AGO3: variants seen among roughly 807,000 people sequenced by gnomAD.
The protein encoded by AGO3 is argonaute RISC catalytic component 3, also known as protein argonaute-3.
A neutral mutation model predicts 105.5 loss-of-function variants in AGO3; 16 were observed. The ratio of observed to expected loss-of-function variants is 0.15; its 90% CI spans 0.10 to 0.23. The LOEUF is 0.23. AGO3 is among the 10% of genes least tolerant of loss of function. The pLI, the probability that AGO3 is intolerant of heterozygous loss-of-function variation, is 1.00. For synonymous variants in AGO3, 340 were observed against 367.3 expected (o/e 0.93, Z 0.85); for missense variants, 534 against 1,088.0 (o/e 0.49, Z 7.16).
chr1:35,956,449 C>T (rs1646566620), intron 2 of AGO3, among the ~76,000 whole-genome samples: 3 of 151,996 alleles, frequency 2.0e-5, no homozygotes. Context: ...TGTGATTCGT[C>T]AGCATGTAGG....
rs12043256 is a variant in AGO3 at position 36,027,495 on chromosome 1, G to T, written c.1591+197G>T. Among the ~76,000 whole-genome samples, 3 of 152,072 alleles carry T rather than the reference G, an allele frequency of 2.0e-5. No individual in the cohort carries two copies. Among genetic ancestry groups the T allele is most frequent in the Non-Finnish European group, 4.4e-5 (3 of 68,010 alleles). On this transcript the variant is annotated intron_variant, in intron 12 of 18. Coordinates refer to ENST00000373191, the MANE Select transcript of AGO3 (RefSeq NM_024852.4). The surrounding 1 kb of genome is among the most constrained non-coding windows in gnomAD (Gnocchi z 4.0). ...ATGAGACATTGTAAAAAGAGTTTCCGGGCTGGGCGTGGTGGCTCACGCCTG... is the reference window on the plus strand; with the variant it reads ...ATGAGACATTGTAAAAAGAGTTTCCTGGCTGGGCGTGGTGGCTCACGCCTG...
chr1:36,012,043 T>C (rs1480934228), intron 9 of AGO3, among the ~76,000 whole-genome samples: 3 of 152,082 alleles, frequency 2.0e-5, no homozygotes, highest in African/African-American at 2.4e-5. Context: ...AGATGCCCCA[T>C]TGGTGCCTAA....
chr1:35,959,035 T>C (rs1407124475), intron 2 of AGO3, among the ~76,000 whole-genome samples: 1 of 152,196 alleles, frequency 6.6e-6, no homozygotes, highest in Non-Finnish European at 1.5e-5. Context: ...AATTAAGAGG[T>C]ACCTAATAAA....
intron 15 of AGO3, 59 bp downstream of exon 15, chr1:36,040,043 G>A: frequency 6.7e-7 from 1 of 1,492,864 alleles, no homozygotes; most frequent in Non-Finnish European, 9.1e-7. Context: ...TTTATAATAT[G>A]GTGTCTAGTT....
At chr1:35,986,056 A>G (rs1647168273) in intron 5 of AGO3, among the ~76,000 whole-genome samples, 1 of 152,368 alleles carries the variant, frequency 6.6e-6, no homozygotes, top group Non-Finnish European at 1.5e-5. Context: ...CAAGGTGAAA[A>G]GAAAAATCTT....
rs1223007467 is a variant in AGO3 at position 36,067,488 on chromosome 1, T to A, written c.*11743T>A. ...ACTTTGGGAGGCCAAGGCAGGTGGA[T>A]CACAAGGTCAGGAGTTTGAGACCAG... On this transcript the variant is annotated 3_prime_UTR_variant, in exon 19 of 19. Transcript: ENST00000373191. 6.6e-6 allele frequency: 1 copy of A among 152,208 alleles called. No homozygotes were observed. The highest frequency in any genetic ancestry group is 1.5e-5 in the Non-Finnish European group (1 of 68,058). 9.4% of individuals were successfully genotyped at this position (152,208 alleles called of 1,614,324 possible).
At chr1:36,004,573 C>A in intron 6 of AGO3, 98 bp downstream of exon 6, 2 of 1,098,400 alleles carry the variant, frequency 1.8e-6, no homozygotes, top group South Asian at 2.6e-5. Flanking sequence ...ATCTATGTAA[C>A]ATAACCAGTA....
chr1:35,964,933 G>A (rs972230259), intron 2 of AGO3, among the ~76,000 whole-genome samples: 8 of 151,512 alleles, frequency 5.3e-5, no homozygotes, highest in Non-Finnish European at 1.2e-4. Flanking sequence ...TTCTTTTGAA[G>A]TGTCTGTTCA....
intron 5 of AGO3, among the ~76,000 whole-genome samples, chr1:36,001,213 T>C (rs1640067847): frequency 6.6e-6 from 1 of 152,128 alleles, no homozygotes; most frequent in Admixed American, 6.5e-5. Context: ...CCAGCCTGGG[T>C]GACAGAGGGA....
chr1:36,022,921 CA>C (rs1166825374), intron 11 of AGO3, among the ~76,000 whole-genome samples: 4 of 7,088 alleles, frequency 5.6e-4, no homozygotes, highest in Non-Finnish European at 5.5e-3. Flanking sequence ...GACTCCGTCT[CA>C]AAAAAAAAAA....
rs984648447 is a variant in AGO3 at position 36,064,955 on chromosome 1, T to C, written c.*9210T>C. ...CGGCTGAGGCGGGCGGATCACGAGG[T>C]CAGGAGTTGGAGACCAGCCTGCCCA... On this transcript the variant is annotated 3_prime_UTR_variant, in exon 19 of 19. Transcript: ENST00000373191. 6.6e-6 allele frequency: 1 copy of C among 151,784 alleles called. No individual in the cohort carries two copies. Among genetic ancestry groups the C allele is most frequent in the Non-Finnish European group, 1.5e-5 (1 of 67,956 alleles). 9.4% of individuals were successfully genotyped at this position (151,784 alleles called of 1,614,324 possible).
intron 4 of AGO3, among the ~76,000 whole-genome samples, chr1:35,973,054 C>G (rs1401327114): frequency 6.6e-6 from 1 of 151,076 alleles, no homozygotes; most frequent in Non-Finnish European, 1.5e-5. Context: ...TATATAAATA[C>G]CTTTTTGTTC....
Position 36,061,522 on chromosome 1 carries a change from A to G in AGO3, c.*5777A>G, listed in dbSNP as rs567217851. 1 of 152,348 alleles carries G rather than the reference A, an allele frequency of 6.6e-6. No homozygotes were observed. Among genetic ancestry groups the G allele is most frequent in the Non-Finnish European group, 1.5e-5 (1 of 68,026 alleles). 9.4% of individuals were successfully genotyped at this position (152,348 alleles called of 1,614,324 possible). ...GATAGAAGGATGGTAAATTCAATAT[A>G]GAGGGTTGAGATTTACCAGTGAGAA... On this transcript the variant is annotated 3_prime_UTR_variant, in exon 19 of 19. Transcript: ENST00000373191.
At chr1:36,009,425 TA>T (rs3834076) in intron 8 of AGO3, 49 bp from the exon 9 acceptor site, 8,060 of 1,275,390 alleles carry the variant, frequency 6.3e-3, no homozygotes, top group South Asian at 0.016. Flanking sequence ...AAGTAAGAGC[TA>T]AAAAAAAAAG....
chr1:36,058,173 C>T lies in AGO3; in HGVS notation c.*2428C>T, dbSNP rs937453849. ...TTTACTAAAATGAATCAGGAAAATG[C>T]AAGATGATATTTTAAAACTTTTGCT... On this transcript the variant is annotated 3_prime_UTR_variant, in exon 19 of 19. Coordinates refer to ENST00000373191, the MANE Select transcript of AGO3 (RefSeq NM_024852.4). 1 of 152,106 alleles carries T rather than the reference C, an allele frequency of 6.6e-6. No individual in the cohort carries two copies. The highest frequency in any genetic ancestry group is 6.6e-5 in the Admixed American group (1 of 15,260). The allele number at this position is 152,106 out of a possible 1,614,324, so 9.4% of individuals were successfully genotyped here.
intron 5 of AGO3, 95 bp downstream of exon 5, chr1:35,973,606 C>T (rs1480075298): frequency 1.3e-5 from 16 of 1,244,238 alleles, no homozygotes; most frequent in South Asian, 3.2e-5. Flanking sequence ...ACTGGTGTCT[C>T]GAAGTAATAT....
chr1:36,009,353 T>C, intron 8 of AGO3, 122 bp from the exon 9 acceptor site: 1 of 1,136,786 alleles, frequency 8.8e-7, no homozygotes, highest in Non-Finnish European at 1.2e-6. Context: ...TTACTTAACA[T>C]ATTGAAAATA....
At chr1:35,934,312 T>G (rs1007312176) in intron 1 of AGO3, among the ~76,000 whole-genome samples, 14 of 152,226 alleles carry the variant, frequency 9.2e-5, no homozygotes, top group Admixed American at 2.0e-4. Flanking sequence ...ACATTTACTT[T>G]TACCTTAAAT....
At chr1:35,998,736 T>A (rs1557675114) in intron 5 of AGO3, among the ~76,000 whole-genome samples, 1 of 152,210 alleles carries the variant, frequency 6.6e-6, no homozygotes, top group Non-Finnish European at 1.5e-5. Flanking sequence ...ACTAAGCATT[T>A]GTTAAACATA....
Sources: gnomAD v4.1 joint callset for allele counts (sites outside exome capture counted in the v4.1 genomes callset) on GRCh38, gnomAD v4.1.1 for gene constraint, Gnocchi (gnomAD v3.1) non-coding constraint, MANE v1.5 for transcripts, NCBI Gene and HGNC (gene_info 2026-07-23, HGNC 2026-07-21) for gene names.